ATRIP: variants seen among roughly 807,000 people sequenced by gnomAD.
ATRIP encodes the protein ATR-interacting protein.
A neutral mutation model predicts 78.1 loss-of-function variants in ATRIP; 44 were observed. The ratio of observed to expected loss-of-function variants is 0.56; its 90% confidence interval spans 0.44 to 0.72. ATRIP has a LOEUF of 0.72. Among genes scored for constraint, ATRIP ranks in the 30% least tolerant of loss-of-function variants. ATRIP has a pLI of 0.00. For missense variants in ATRIP, 927 were observed against 980.2 expected, an observed-to-expected ratio of 0.95 and a Z score of 0.72; for synonymous variants, 388 against 408.9, an observed-to-expected ratio of 0.95 and a Z score of 0.62.
Position 48,464,143 on chromosome 3 carries a change from C to T in ATRIP, c.1974+11C>T, listed in dbSNP as rs2040199632. 1.2e-6 allele frequency: 2 copies of T among 1,604,198 alleles called. No homozygotes were observed. Among genetic ancestry groups the T allele is most frequent in the South Asian group, 2.2e-5 (2 of 90,876 alleles). ...CAGCTGGAACAAGAGGTAAAAACTC[C>T]AGAGCCCCTTCTGGACACTGTCCCC... On this transcript the variant is annotated intron_variant, in intron 10 of 12. Coordinates refer to ENST00000320211, the MANE Select transcript of ATRIP (RefSeq NM_130384.3).
chr3:48,455,477 C>A (rs1466656697), intron 4 of ATRIP, among the ~76,000 whole-genome samples: 1 of 151,800 alleles, frequency 6.6e-6, no homozygotes, highest in Non-Finnish European at 1.5e-5. Flanking sequence ...TATTTAAAGT[C>A]TTTGCATTCT....
intron 4 of ATRIP, among the ~76,000 whole-genome samples, chr3:48,454,692 A>C (rs897427700): frequency 1.3e-5 from 2 of 152,004 alleles, no homozygotes; most frequent in Non-Finnish European, 2.9e-5. Flanking sequence ...ATGATCTCCA[A>C]ATTTTGGGGG....
intron 4 of ATRIP, among the ~76,000 whole-genome samples, chr3:48,456,435 AAGAAT>A (rs2039956669): frequency 2.6e-4 from 29 of 109,694 alleles, no homozygotes; most frequent in Admixed American, 1.0e-3. Flanking sequence ...TATCTCTAGA[AAGAAT>A]AAAAAGTTAG....
chr3:48,450,005 T>C, intron 1 of ATRIP, 32 bp from the exon 2 acceptor site: 1 of 1,574,018 alleles, frequency 6.4e-7, no homozygotes, highest in South Asian at 1.2e-5. Context: ...AAATATTGGG[T>C]CCTGAAATGT....
rs777034646 is a variant in ATRIP at position 48,466,837 on chromosome 3, C to A, written c.*1283C>A. On this transcript the variant is annotated 3_prime_UTR_variant, in exon 13 of 13. Coordinates refer to ENST00000320211, the MANE Select transcript of ATRIP (RefSeq NM_130384.3). ...CCACCTCCCACAGTTCCTCCACCAC[C>A]GCGTGTGGTAGACAAGCTCTCCCTG... The A allele has an allele frequency of 1.2e-6, 2 of 1,614,018 alleles. No individual in the cohort carries two copies. Among genetic ancestry groups the A allele is most frequent in the Non-Finnish European group, 1.7e-6 (2 of 1,180,046 alleles).
In ATRIP at chr3:48,460,212, G is replaced by A. The variant is rs1415719803; in HGVS notation, c.1158G>A (p.Leu386=). Residue 386 remains leucine (L), a synonymous_variant, in exon 8 of 13, where the codon CTG becomes CTA. Transcript: ENST00000320211. ...CACAGAACCTGGCATTCACTGGACT[G>A]AATCTGGTTGCCCGGAATGAGTGCT... ...REAQNLAFTG[L]NLVARNECSR... The A allele has an allele frequency of 1.9e-6, 3 of 1,614,160 alleles. No homozygotes were observed. Among genetic ancestry groups the A allele is most frequent in the Middle Eastern group, 1.6e-4 (1 of 6,062 alleles).
Position 48,467,565 on chromosome 3 carries a change from CTGTA to C in ATRIP, c.*2014_*2017del, listed in dbSNP as rs778550314. 14 of 1,613,618 alleles carry C rather than the reference CTGTA, an allele frequency of 8.7e-6. No homozygotes were observed. The highest frequency in any genetic ancestry group is 1.3e-5 in the African/African-American group (1 of 75,050). On this transcript the variant is annotated 3_prime_UTR_variant, in exon 13 of 13. Coordinates refer to ENST00000320211, the MANE Select transcript of ATRIP (RefSeq NM_130384.3). ...CATCCTGACCTTGGCAGTAGCCACA[CTGTA>C]TGGACTATCCCTGGCCACACCTGGG...
In ATRIP at chr3:48,464,709, C is replaced by A. The variant is rs375390595; in HGVS notation, c.2055+47C>A. On this transcript the variant is annotated intron_variant, in intron 11 of 12. Coordinates refer to ENST00000320211, the MANE Select transcript of ATRIP (RefSeq NM_130384.3). Reference sequence around the variant, plus strand: ...GCTGGCAGCTCTGGTGGTAAGGGGGCCCCGTGCAAGGACTGTAGGCCCCAC... The same window carrying A: ...GCTGGCAGCTCTGGTGGTAAGGGGGACCCGTGCAAGGACTGTAGGCCCCAC... 1.1e-5 allele frequency: 18 copies of A among 1,613,254 alleles called. No homozygotes were observed. In the African/African-American group the frequency reaches 2.1e-4, roughly 19 times the overall value.
At chr3:48,464,810 T>A in intron 11 of ATRIP, 21 bp from the exon 12 acceptor site, 1 of 1,603,326 alleles carries the variant, frequency 6.2e-7, no homozygotes. Context: ...CAGGCCTCAG[T>A]CTGCACCCCC....
Position 48,460,739 on chromosome 3 carries a change from C to A in ATRIP, c.1685C>A (p.Thr562Asn), listed in dbSNP as rs375674912. ...GGTCACCTTCAAGCCAGTGTCCTGA[C>A]CCAGTGCCTTAAGGTTTTGGTGAAA... ...ATGHLQASVL[T>N]QCLKVLVKLA... Residue 562 changes from threonine (T) to asparagine (N), a missense_variant, in exon 8 of 13, where the codon ACC becomes AAC. Coordinates refer to ENST00000320211, the MANE Select transcript of ATRIP (RefSeq NM_130384.3). 4.7e-5 allele frequency: 75 copies of A among 1,611,536 alleles called. No homozygotes were observed. Among genetic ancestry groups the A allele is most frequent in the Non-Finnish European group, 6.3e-5 (74 of 1,177,952 alleles).
intron 7 of ATRIP, 36 bp from the exon 8 acceptor site, chr3:48,460,074 C>T: frequency 1.3e-6 from 2 of 1,580,766 alleles, no homozygotes; most frequent in East Asian, 2.2e-5. Context: ...ATCTCCATCC[C>T]ACACTTAATC....
chr3:48,462,678 G>A (rs983688951), intron 8 of ATRIP, among the ~76,000 whole-genome samples: 1 of 151,926 alleles, frequency 6.6e-6, no homozygotes, highest in African/African-American at 2.4e-5. Flanking sequence ...ACTCCAGCCT[G>A]GGTGACAGAG....
chr3:48,457,240 C>G lies in ATRIP; in HGVS notation c.672-19C>G. Reference sequence around the variant, plus strand: ...TTTAGTAGAATCATTACTTTGCTTTCATAGTTAACTTTTTCCAGTCCTAGG... The same window carrying G: ...TTTAGTAGAATCATTACTTTGCTTTGATAGTTAACTTTTTCCAGTCCTAGG... On this transcript the variant is annotated intron_variant, in intron 4 of 12. Coordinates refer to ENST00000320211, the MANE Select transcript of ATRIP (RefSeq NM_130384.3). The G allele has an allele frequency of 6.6e-7, 1 of 1,524,708 alleles. No individual in the cohort carries two copies. Among genetic ancestry groups the G allele is most frequent in the East Asian group, 2.4e-5 (1 of 42,144 alleles). The allele number at this position is 1,524,708 out of a possible 1,614,324, so 94.4% of individuals were successfully genotyped here.
chr3:48,460,602 GCT>G lies in ATRIP; in HGVS notation c.1549_1550del (p.Leu517Ter). On this transcript the variant is annotated frameshift_variant, in exon 8 of 13. Coordinates refer to ENST00000320211, the MANE Select transcript of ATRIP (RefSeq NM_130384.3). LOFTEE classifies it high-confidence loss of function. The part of the protein sequence containing the change: ...GEGNRSLVHR[L>X]SDGDMTSALR... Reference sequence around the variant, plus strand: ...AAGGAAACAGGAGCCTGGTTCACAGGCTTAGTGATGGAGATATGACCTCAGCC... The same window carrying G: ...AAGGAAACAGGAGCCTGGTTCACAGGTAGTGATGGAGATATGACCTCAGCC... 1 of 1,614,174 alleles carries G rather than the reference GCT, an allele frequency of 6.2e-7. No homozygotes were observed. The highest frequency in any genetic ancestry group is 8.5e-7 in the Non-Finnish European group (1 of 1,180,030).
chr3:48,447,102 C>T lies in ATRIP; in HGVS notation c.247+10C>T. On this transcript the variant is annotated intron_variant, in intron 1 of 12. Coordinates refer to ENST00000320211, the MANE Select transcript of ATRIP (RefSeq NM_130384.3). ...GCTCGGGACGTGTCCAGTGAGTGCTCCTCGCGGCCTTTTGCTCGGAGGGAG... is the reference window on the plus strand; with the variant it reads ...GCTCGGGACGTGTCCAGTGAGTGCTTCTCGCGGCCTTTTGCTCGGAGGGAG... The T allele has an allele frequency of 2.7e-6, 4 of 1,508,664 alleles. No homozygotes were observed. Among genetic ancestry groups the T allele is most frequent in the Non-Finnish European group, 3.5e-6 (4 of 1,126,928 alleles). The allele number at this position is 1,508,664 out of a possible 1,614,324, so 93.5% of individuals were successfully genotyped here. A position where few individuals can be genotyped will look rare whatever the true frequency, so the allele number is the denominator to read the frequency against.
intron 8 of ATRIP, 47 bp downstream of exon 8, chr3:48,460,846 C>T (rs1355101032): frequency 2.6e-6 from 4 of 1,512,652 alleles, no homozygotes; most frequent in Non-Finnish European, 9.0e-7. Context: ...TCTCACCTGA[C>T]CTCTTAAGGT....
At position 48,466,486 on chromosome 3, in the gene ATRIP, T is replaced by C. The variant is rs2040303677; in HGVS notation, c.*932T>C. 6 of 1,613,864 alleles carry C rather than the reference T, an allele frequency of 3.7e-6. No homozygotes were observed. Among genetic ancestry groups the C allele is most frequent in the African/African-American group, 2.7e-5 (2 of 74,924 alleles). On this transcript the variant is annotated 3_prime_UTR_variant, in exon 13 of 13. Coordinates refer to ENST00000320211, the MANE Select transcript of ATRIP (RefSeq NM_130384.3). ...ACCTCACCCTCTCCAACTTCCTGCC[T>C]GAAAATGGGCCCTGGAGCTCGCAGA...
Position 48,460,424 on chromosome 3 carries a change from G to C in ATRIP, c.1370G>C (p.Ser457Thr), listed in dbSNP as rs2040071321. 3 of 1,612,900 alleles carry C rather than the reference G, an allele frequency of 1.9e-6. No homozygotes were observed. The highest frequency in any genetic ancestry group is 2.5e-6 in the Non-Finnish European group (3 of 1,179,456). Residue 457 changes from serine to threonine, a missense_variant, in exon 8 of 13, where the codon AGC (serine) becomes ACC (threonine). Coordinates refer to ENST00000320211, the MANE Select transcript of ATRIP (RefSeq NM_130384.3). ...GDSPTHSSCVSSGVETNPEDS... is the reference protein window; with the variant it reads ...GDSPTHSSCVTSGVETNPEDS... ...TCACCGACACATTCCTCCTGCGTGA[G>C]CTCTGGGGTAGAGACCAACCCTGAG...
At position 48,460,429 on chromosome 3, in the gene ATRIP, G is replaced by T; in HGVS notation, c.1375G>T (p.Gly459Trp). The T allele has an allele frequency of 3.7e-6, 6 of 1,612,724 alleles. No homozygotes were observed. Among genetic ancestry groups the T allele is most frequent in the Non-Finnish European group, 3.4e-6 (4 of 1,179,316 alleles). Residue 459 changes from glycine to tryptophan, a missense_variant, in exon 8 of 13, where the codon GGG (glycine) becomes TGG (tryptophan). Physicochemically the swap from Gly to Trp is radical, Grantham distance 184. Transcript: ENST00000320211. ...SPTHSSCVSS[G>W]VETNPEDSVC... Reference sequence around the variant, plus strand: ...GACACATTCCTCCTGCGTGAGCTCTGGGGTAGAGACCAACCCTGAGGACTC... The same window carrying T: ...GACACATTCCTCCTGCGTGAGCTCTTGGGTAGAGACCAACCCTGAGGACTC...
Sources: allele counts gnomAD v4.1 joint callset (sites outside exome capture counted in the v4.1 genomes callset), GRCh38; gene constraint gnomAD v4.1.1; transcripts MANE v1.5; gene names NCBI Gene and HGNC (gene_info 2026-07-23, HGNC 2026-07-21).